The following MAD1L1 variants were observed in gnomAD, a reference collection of about 807,000 sequenced individuals.
The protein encoded by MAD1L1 is mitotic arrest deficient 1 like 1, also known as mitotic spindle assembly checkpoint protein MAD1.
In MAD1L1, 95 loss-of-function variants were observed where a neutral mutation model predicts 96.9. The observed-to-expected ratio is 0.98, with a 90% CI of 0.83 to 1.16. The LOEUF is 1.16. MAD1L1 is among the 50% of genes most tolerant of loss of function. The pLI, the probability that MAD1L1 is intolerant of heterozygous loss-of-function variation, is 0.00. For missense variants in MAD1L1, 1,007 were observed against 954.4 expected, an observed-to-expected ratio of 1.06 and a Z score of -0.73; for synonymous variants, 473 against 396.6, an observed-to-expected ratio of 1.19 and a Z score of -2.29.
At chr7:2,127,563 G>C (rs1474801339) in intron 11 of MAD1L1, among the ~76,000 whole-genome samples, 1 of 152,192 alleles carries the variant, frequency 6.6e-6, no homozygotes, top group Non-Finnish European at 1.5e-5. Context: ...ACCTGGTGTA[G>C]GTGGGCAATG....
At chr7:2,052,684 G>A (rs1330924495) in intron 12 of MAD1L1, among the ~76,000 whole-genome samples, 1 of 152,222 alleles carries the variant, frequency 6.6e-6, no homozygotes, top group Non-Finnish European at 1.5e-5. Flanking sequence ...ACGTATCAGT[G>A]TGCAAATTCC....
At chr7:1,872,249 T>C (rs930353499) in intron 18 of MAD1L1, among the ~76,000 whole-genome samples, 2 of 152,136 alleles carry the variant, frequency 1.3e-5, no homozygotes, top group African/African-American at 2.4e-5. Flanking sequence ...TCAAACACTC[T>C]ATAGAGAGGA....
intron 10 of MAD1L1, among the ~76,000 whole-genome samples, chr7:2,175,608 G>C (rs1790913328): frequency 6.6e-6 from 1 of 151,672 alleles, no homozygotes; most frequent in African/African-American, 2.4e-5. Flanking sequence ...CCCCCAAACT[G>C]GTCCTAGAAA....
chr7:1,966,929 C>T (rs911228451), intron 15 of MAD1L1, among the ~76,000 whole-genome samples: 1 of 152,222 alleles, frequency 6.6e-6, no homozygotes, highest in Non-Finnish European at 1.5e-5. Context: ...CACCTGCTCT[C>T]CAGGAGAGGC....
At chr7:1,944,034 G>C (rs550627626) in intron 16 of MAD1L1, among the ~76,000 whole-genome samples, 1 of 152,272 alleles carries the variant, frequency 6.6e-6, no homozygotes, top group South Asian at 2.1e-4. Flanking sequence ...AGGGAAGTGA[G>C]AAAAGCCAAT....
intron 11 of MAD1L1, among the ~76,000 whole-genome samples, chr7:2,140,596 G>A (rs1335363557): frequency 1.3e-5 from 2 of 152,258 alleles, no homozygotes; most frequent in Non-Finnish European, 2.9e-5. Context: ...CAAGAGCCAT[G>A]GATGTGGGTG....
At chr7:2,097,432 C>T (rs1786551434) in intron 11 of MAD1L1, among the ~76,000 whole-genome samples, 1 of 152,192 alleles carries the variant, frequency 6.6e-6, no homozygotes, top group South Asian at 2.1e-4. Flanking sequence ...GGGGGTCTCA[C>T]TCCGCCCAGG....
intron 11 of MAD1L1, among the ~76,000 whole-genome samples, chr7:2,118,154 C>T (rs979585262): frequency 6.6e-6 from 1 of 152,228 alleles, no homozygotes; most frequent in African/African-American, 2.4e-5. Flanking sequence ...GCCGGCCACT[C>T]CTGACCACAA....
At chr7:2,134,041 G>A (rs11973264) in intron 11 of MAD1L1, among the ~76,000 whole-genome samples, 1 of 152,308 alleles carries the variant, frequency 6.6e-6, no homozygotes, top group Non-Finnish European at 1.5e-5. Context: ...ATAAACTTTA[G>A]AATCTGTTGA....
intron 17 of MAD1L1, among the ~76,000 whole-genome samples, chr7:1,935,121 G>C (rs978904594): frequency 6.6e-6 from 1 of 152,256 alleles, no homozygotes. Flanking sequence ...TGACAGCAGG[G>C]GATGGAAGGC....
intron 12 of MAD1L1, among the ~76,000 whole-genome samples, chr7:2,038,325 A>G (rs1783528365): frequency 6.6e-6 from 1 of 152,136 alleles, no homozygotes; most frequent in Non-Finnish European, 1.5e-5. Flanking sequence ...AGATCCAGCT[A>G]AGAGCACCAA....
chr7:1,998,710 G>A (rs73043506), intron 14 of MAD1L1, among the ~76,000 whole-genome samples: 5,509 of 152,074 alleles, frequency 0.036, 198 homozygotes, highest in Admixed American at 0.1. Flanking sequence ...GGAAGGCTCT[G>A]GGTGTGTCCC....
intron 11 of MAD1L1, among the ~76,000 whole-genome samples, chr7:2,085,468 G>A (rs537561499): frequency 3.9e-5 from 6 of 152,314 alleles, no homozygotes; most frequent in African/African-American, 1.4e-4. Context: ...TGGCCACTCT[G>A]ATATTTCTGC....
At chr7:1,966,914 G>A (rs548422669) in intron 15 of MAD1L1, among the ~76,000 whole-genome samples, 36 of 152,344 alleles carry the variant, frequency 2.4e-4, no homozygotes, top group African/African-American at 8.2e-4. Context: ...GTGAGGAATC[G>A]TAGCCACCTG....
At chr7:1,821,101 G>C (rs973897783) in intron 18 of MAD1L1, among the ~76,000 whole-genome samples, 1 of 148,396 alleles carries the variant, frequency 6.7e-6, no homozygotes, top group Non-Finnish European at 1.5e-5. Flanking sequence ...AAAGGGGGGG[G>C]GGAGAGTGAA....
chr7:2,079,127 C>T (rs979111065), intron 11 of MAD1L1, among the ~76,000 whole-genome samples: 4 of 152,234 alleles, frequency 2.6e-5, no homozygotes, highest in African/African-American at 7.2e-5. Context: ...GCCCCCACAC[C>T]GTCATGAGGT....
intron 18 of MAD1L1, among the ~76,000 whole-genome samples, chr7:1,824,008 C>A (rs964171382): frequency 1.3e-5 from 2 of 152,106 alleles, no homozygotes; most frequent in Admixed American, 1.3e-4. Context: ...TGTGGGGGGA[C>A]GGAGAGCGGG....
intron 8 of MAD1L1, 79 bp from the exon 9 acceptor site, chr7:2,216,078 C>T: frequency 6.2e-7 from 1 of 1,609,502 alleles, no homozygotes; most frequent in East Asian, 2.2e-5. Context: ...CCTGCCCCTA[C>T]AGGGTCTGCA....
At position 1,887,897 on chromosome 7, in the gene MAD1L1, G is replaced by C. The variant is rs1349406833; in HGVS notation, c.1998+10303C>G. On this transcript the variant is annotated intron_variant, in intron 18 of 18. Transcript: ENST00000265854. ...CAAGCATGCGTGTGTGTGGCTGCCT[G>C]TGCATGTGTGTGCATGCATGGCTGC... 1.3e-4 allele frequency among the ~76,000 whole-genome samples: 19 copies of C among 151,752 alleles called. No homozygotes were observed. In the South Asian group the frequency reaches 1.3e-3, roughly 10 times the overall value.
Sources: allele counts gnomAD v4.1 joint callset (sites outside exome capture counted in the v4.1 genomes callset), GRCh38; gene constraint gnomAD v4.1.1; transcripts MANE v1.5; gene names NCBI Gene and HGNC (gene_info 2026-07-23, HGNC 2026-07-21).